Variants in NR6A1 observed in about 807,000 individuals in gnomAD.
The protein encoded by NR6A1 is retinoic acid receptor-related testis-associated receptor.
Under a neutral mutation model 59.1 loss-of-function variants are expected in NR6A1, and 7 were observed. The ratio of observed to expected loss-of-function variants is 0.12; its 90% CI spans 0.07 to 0.22. The LOEUF is 0.22. NR6A1 is among the 10% of genes least tolerant of loss of function. The probability of loss-of-function intolerance (pLI) is 1.00; values close to 1 mark genes in which losing one functional copy is unlikely to be tolerated. For synonymous variants in NR6A1, 243 were observed against 236.1 expected (o/e 1.03, Z -0.27); for missense variants, 468 against 611.6 (o/e 0.77, Z 2.48).
Position 124,558,692 on chromosome 9 carries a change from A to G in NR6A1, c.143-4122T>C, listed in dbSNP as rs77928781. Among the ~76,000 whole-genome samples the G allele has an allele frequency of 9.9e-5, 15 of 152,264 alleles. No individual in the cohort carries two copies. The East Asian group carries it at 2.5e-3, about 26-fold the overall frequency. On this transcript the variant is annotated intron_variant, in intron 2 of 9. Coordinates refer to ENST00000487099, the MANE Select transcript of NR6A1 (RefSeq NM_033334.4). The stretch of plus-strand genomic sequence containing the variant: ...GCCCATGAGGTGCTATCACTCCCTA[A>G]TAGTCATCCAGCTAGTAAGGGAAAG...
chr9:124,684,348 T>A (rs1838261816), intron 2 of NR6A1, among the ~76,000 whole-genome samples: 1 of 152,170 alleles, frequency 6.6e-6, no homozygotes, highest in Non-Finnish European at 1.5e-5. Flanking sequence ...ACACTGAGTG[T>A]TCACAAGAGC....
intron 2 of NR6A1, among the ~76,000 whole-genome samples, chr9:124,711,019 A>G (rs1222067801): frequency 6.6e-6 from 1 of 152,120 alleles, no homozygotes; most frequent in East Asian, 1.9e-4. Flanking sequence ...CTTGACATGC[A>G]TATGTCATGT....
chr9:124,737,871 C>A lies in NR6A1; in HGVS notation c.101-4522G>T, dbSNP rs575349704. On this transcript the variant is annotated intron_variant, in intron 1 of 9. Coordinates refer to ENST00000487099, the MANE Select transcript of NR6A1 (RefSeq NM_033334.4). ...AAGAGCAAGACTCCTTCTCAAAAAC[C>A]AAAAAAAAGAGGCTGGGCGCGGTGG... Among the ~76,000 whole-genome samples the A allele has an allele frequency of 6.1e-4, 91 of 149,708 alleles. 1 individual carries two copies. In the South Asian group the frequency reaches 0.019, roughly 31 times the overall value.
intron 2 of NR6A1, among the ~76,000 whole-genome samples, chr9:124,675,643 A>G (rs1837931863): frequency 6.6e-6 from 1 of 152,196 alleles, no homozygotes; most frequent in African/African-American, 2.4e-5. Flanking sequence ...TATTTCTCTC[A>G]AATGATGAGA....
intron 2 of NR6A1, among the ~76,000 whole-genome samples, chr9:124,640,308 C>T (rs1445318417): frequency 6.6e-6 from 1 of 152,146 alleles, no homozygotes; most frequent in Non-Finnish European, 1.5e-5. Context: ...TCATCAAATG[C>T]TTTACCTTAA....
At position 124,771,311 on chromosome 9, in the gene NR6A1, T is replaced by A. The variant is rs1246909965; in HGVS notation, c.-192A>T. Reference sequence around the variant, plus strand: ...CCTCCGCGCCGCGCCCCCTCAGCACTGGCCAGCTCCCTCCCCTGACGTCAC... The same window carrying A: ...CCTCCGCGCCGCGCCCCCTCAGCACAGGCCAGCTCCCTCCCCTGACGTCAC... On this transcript the variant is annotated 5_prime_UTR_variant, in exon 1 of 10. Transcript: ENST00000487099. 1 of 387,026 alleles carries A rather than the reference T, an allele frequency of 2.6e-6. No individual in the cohort carries two copies. The highest frequency in any genetic ancestry group is 4.6e-6 in the Non-Finnish European group (1 of 218,868). 24.0% of individuals were successfully genotyped at this position (387,026 alleles called of 1,614,324 possible). A position where few individuals can be genotyped will look rare whatever the true frequency, so the allele number is the denominator to read the frequency against.
At chr9:124,578,580 T>C (rs917763718) in intron 2 of NR6A1, among the ~76,000 whole-genome samples, 1 of 152,228 alleles carries the variant, frequency 6.6e-6, no homozygotes, top group African/African-American at 2.4e-5. Context: ...CAATCTCCAC[T>C]ACTAAAAGCC....
intron 2 of NR6A1, among the ~76,000 whole-genome samples, chr9:124,578,506 C>T (rs975422289): frequency 2.0e-5 from 3 of 152,140 alleles, no homozygotes; most frequent in Non-Finnish European, 4.4e-5. Flanking sequence ...TTTTACATTT[C>T]ATCATCCAAA....
At chr9:124,752,935 A>G (rs1225921695) in intron 1 of NR6A1, among the ~76,000 whole-genome samples, 2 of 152,140 alleles carry the variant, frequency 1.3e-5, no homozygotes, top group Non-Finnish European at 2.9e-5. Context: ...AGGCAAGAGG[A>G]AGGATGAAAG....
intron 2 of NR6A1, among the ~76,000 whole-genome samples, chr9:124,638,787 T>C (rs1442741277): frequency 1.3e-5 from 2 of 152,246 alleles, no homozygotes; most frequent in Non-Finnish European, 2.9e-5. Flanking sequence ...TTCCTACTTA[T>C]GCAGACAATT....
chr9:124,557,664 G>A (rs2131394272), intron 2 of NR6A1, among the ~76,000 whole-genome samples: 1 of 152,180 alleles, frequency 6.6e-6, no homozygotes, highest in Non-Finnish European at 1.5e-5. Flanking sequence ...AGGCCAAACA[G>A]GCAAAATGAA....
At chr9:124,528,069 A>G (rs1832989666) in intron 7 of NR6A1, among the ~76,000 whole-genome samples, 1 of 152,234 alleles carries the variant, frequency 6.6e-6, no homozygotes, top group South Asian at 2.1e-4. Context: ...TGCGCACTAC[A>G]GGCCTGTGCC....
intron 2 of NR6A1, among the ~76,000 whole-genome samples, chr9:124,576,992 G>A (rs1401303637): frequency 6.6e-6 from 1 of 152,164 alleles, no homozygotes; most frequent in Non-Finnish European, 1.5e-5. Context: ...GGAAGTTGAG[G>A]CTGTGGTGAG....
chr9:124,548,605 C>T (rs962569872), intron 3 of NR6A1, among the ~76,000 whole-genome samples: 1 of 152,146 alleles, frequency 6.6e-6, no homozygotes, highest in African/African-American at 2.4e-5. Flanking sequence ...GTTATCCCTC[C>T]TTGAGATTTC....
chr9:124,559,532 T>G (rs1469533014), intron 2 of NR6A1, among the ~76,000 whole-genome samples: 2 of 152,138 alleles, frequency 1.3e-5, no homozygotes, highest in East Asian at 1.9e-4. Context: ...TCCCAGCACT[T>G]TGGGAGGCCA....
chr9:124,536,233 A>G (rs1361926604), intron 6 of NR6A1, 101 bp from the exon 7 acceptor site: 5 of 1,327,346 alleles, frequency 3.8e-6, no homozygotes, highest in African/African-American at 1.5e-5. Context: ...GACCCTGGCA[A>G]TGGGCTCCTT....
chr9:124,631,713 C>T (rs1195419006), intron 2 of NR6A1, among the ~76,000 whole-genome samples: 1 of 152,070 alleles, frequency 6.6e-6, no homozygotes, highest in Non-Finnish European at 1.5e-5. Context: ...TGGTTTGTTA[C>T]ACAGGTAAAC....
chr9:124,703,185 G>T (rs961319991), intron 2 of NR6A1, among the ~76,000 whole-genome samples: 1 of 149,426 alleles, frequency 6.7e-6, no homozygotes, highest in Non-Finnish European at 1.5e-5. Flanking sequence ...GATTACAGGC[G>T]TGAGCCACCA....
intron 2 of NR6A1, among the ~76,000 whole-genome samples, chr9:124,635,267 TG>T (rs1836572576): frequency 6.6e-6 from 1 of 152,182 alleles, no homozygotes; most frequent in Admixed American, 6.5e-5. Context: ...TACAGTGATA[TG>T]GTTTAGCTCT....
Sources: allele counts gnomAD v4.1 joint callset (sites outside exome capture counted in the v4.1 genomes callset), GRCh38; gene constraint gnomAD v4.1.1; transcripts MANE v1.5; gene names NCBI Gene and HGNC (gene_info 2026-07-23, HGNC 2026-07-21).